DLG2: variants seen among roughly 807,000 people sequenced by gnomAD.
DLG2 encodes the protein discs large MAGUK scaffold protein 2, also known as disks large homolog 2.
Under a neutral mutation model 132.5 loss-of-function variants are expected in DLG2, and 45 were observed. That is an observed-to-expected ratio of 0.34 (90% CI 0.27 to 0.44). DLG2 has a LOEUF of 0.44. Among genes scored for constraint, DLG2 ranks in the 20% least tolerant of loss-of-function variants. The pLI is 1.00. For missense variants in DLG2, 1,045 were observed against 1,196.9 expected, an observed-to-expected ratio of 0.87 and a Z score of 1.87; for synonymous variants, 424 against 419.6, an observed-to-expected ratio of 1.01 and a Z score of -0.13.
intron 3 of DLG2, among the ~76,000 whole-genome samples, chr11:85,456,961 G>T (rs138010255): frequency 3.5e-3 from 540 of 152,216 alleles, no homozygotes; most frequent in Middle Eastern, 0.02. Flanking sequence ...TTGGTTAAGT[G>T]TTGAGTTCAG....
chr11:83,957,732 C>T (rs2087282399), intron 14 of DLG2, among the ~76,000 whole-genome samples: 1 of 152,142 alleles, frequency 6.6e-6, no homozygotes, highest in Admixed American at 6.5e-5. Flanking sequence ...TATCTCATCT[C>T]TTTCTGGCCA....
At chr11:85,374,529 G>T (rs2085248550) in intron 3 of DLG2, among the ~76,000 whole-genome samples, 1 of 152,130 alleles carries the variant, frequency 6.6e-6, no homozygotes, top group African/African-American at 2.4e-5. Context: ...AGTAGAGATG[G>T]GGTTTCACCA....
chr11:84,617,395 T>G (rs1023472317), intron 6 of DLG2, among the ~76,000 whole-genome samples: 1 of 152,126 alleles, frequency 6.6e-6, no homozygotes, highest in Admixed American at 6.5e-5. Context: ...TGATGGGCAT[T>G]TGGGTTGGTT....
intron 5 of DLG2, among the ~76,000 whole-genome samples, chr11:85,129,569 CA>C (rs2075489021): frequency 6.6e-6 from 1 of 152,086 alleles, no homozygotes. Flanking sequence ...AGTCAGGAAA[CA>C]ACAGAATGTG....
chr11:84,442,343 A>G (rs997893067), intron 7 of DLG2, among the ~76,000 whole-genome samples: 1 of 152,120 alleles, frequency 6.6e-6, no homozygotes, highest in Non-Finnish European at 1.5e-5. Flanking sequence ...ACACCATAGA[A>G]TACTATACAT....
chr11:84,916,348 CAAAAAAAAAAA>C (rs11423369), intron 6 of DLG2, among the ~76,000 whole-genome samples: 320 of 27,944 alleles, frequency 0.011, no homozygotes, highest in South Asian at 0.019. Context: ...GACTCCGTCT[CAAAAAAAAAAA>C]AAAAAAAAAA....
Position 83,545,455 on chromosome 11 carries a change from T to C in DLG2, c.1941-3597A>G, listed in dbSNP as rs187547522. On this transcript the variant is annotated intron_variant, in intron 19 of 27. Coordinates refer to ENST00000376104, the MANE Select transcript of DLG2 (RefSeq NM_001142699.3). ...CACTTAAAAGCTGTTTTCTGGACTA[T>C]GTGAAAGACATCTAAAATATCTCTG... Among the ~76,000 whole-genome samples the C allele has an allele frequency of 1.4e-4, 21 of 152,258 alleles. No individual in the cohort carries two copies. In the East Asian group the frequency reaches 3.9e-3, roughly 28 times the overall value.
intron 10 of DLG2, among the ~76,000 whole-genome samples, chr11:84,072,240 C>T: frequency 6.6e-6 from 1 of 152,208 alleles, no homozygotes; most frequent in East Asian, 1.9e-4. Flanking sequence ...GATTGCTATT[C>T]ACTTCCCCAG....
In DLG2 at chr11:83,547,177, G is replaced by A. The variant is rs144736689; in HGVS notation, c.1941-5319C>T. ...ACCACTTTAAAGCTAGGATAGCAGC[G>A]AATGATGAGGATGGAAAGACAGTAT... On this transcript the variant is annotated intron_variant, in intron 19 of 27. Coordinates refer to ENST00000376104, the MANE Select transcript of DLG2 (RefSeq NM_001142699.3). 6.5e-4 allele frequency among the ~76,000 whole-genome samples: 99 copies of A among 152,196 alleles called. No homozygotes were observed. In the Middle Eastern group the frequency reaches 0.01, roughly 16 times the overall value.
intron 7 of DLG2, among the ~76,000 whole-genome samples, chr11:84,265,149 T>C (rs1363048617): frequency 6.6e-6 from 1 of 152,202 alleles, no homozygotes; most frequent in East Asian, 1.9e-4. Context: ...AAAGTTATTA[T>C]TTCATCAATA....
At chr11:83,933,202 G>A (rs1389096685) in intron 14 of DLG2, among the ~76,000 whole-genome samples, 1 of 152,210 alleles carries the variant, frequency 6.6e-6, no homozygotes, top group Non-Finnish European at 1.5e-5. Context: ...GAAGTGCCAA[G>A]GGGAAATGAC....
intron 3 of DLG2, among the ~76,000 whole-genome samples, chr11:85,359,040 T>C (rs190824848): frequency 2.0e-5 from 3 of 152,322 alleles, no homozygotes. Flanking sequence ...AGGAATGCAA[T>C]TTCAGCAAAT....
intron 18 of DLG2, among the ~76,000 whole-genome samples, chr11:83,764,957 G>A (rs2094079704): frequency 6.6e-6 from 1 of 152,062 alleles, no homozygotes; most frequent in African/African-American, 2.4e-5. Flanking sequence ...AGGCAGAGAT[G>A]GCCGGCACAC....
At chr11:85,060,002 C>T (rs914471603) in intron 6 of DLG2, among the ~76,000 whole-genome samples, 1 of 151,420 alleles carries the variant, frequency 6.6e-6, no homozygotes, top group Non-Finnish European at 1.5e-5. Flanking sequence ...TACAGTACTA[C>T]ATTATTAACT....
intron 6 of DLG2, among the ~76,000 whole-genome samples, chr11:84,686,630 G>GTTTTGTTTTTTTT (rs2099738391): frequency 8.8e-6 from 1 of 113,806 alleles, no homozygotes; most frequent in African/African-American, 3.4e-5. Flanking sequence ...TGGCCTTGAG[G>GTTTTGTTTTTTTT]TTTTTTTTTT....
At position 84,600,269 on chromosome 11, in the gene DLG2, G is replaced by A. The variant is rs986672369; in HGVS notation, c.358-65538C>T. On this transcript the variant is annotated intron_variant, in intron 6 of 27. Transcript: ENST00000376104. ...CAAGCAAGCAAGCAGGCAGGCAGGC[G>A]GCAGGCCGGACACAGGGAGGAGTAT... Among the ~76,000 whole-genome samples, 120 of 148,890 alleles carry A rather than the reference G, an allele frequency of 8.1e-4. 1 individual carries two copies. The highest frequency in any genetic ancestry group is 2.9e-3 in the African/African-American group (118 of 40,126).
intron 6 of DLG2, among the ~76,000 whole-genome samples, chr11:84,564,403 T>C (rs1228927693): frequency 6.6e-6 from 1 of 152,192 alleles, no homozygotes; most frequent in Non-Finnish European, 1.5e-5. Flanking sequence ...CACATATCCC[T>C]GAAGCAAGGC....
chr11:84,731,644 G>A (rs891427252), intron 6 of DLG2, among the ~76,000 whole-genome samples: 2 of 151,904 alleles, frequency 1.3e-5, no homozygotes, highest in Non-Finnish European at 2.9e-5. Flanking sequence ...AAAATAAGGG[G>A]AAATATCAAG....
At chr11:84,316,850 G>A (rs1230790219) in intron 7 of DLG2, 1 of 1,612,484 alleles carries the variant, frequency 6.2e-7, no homozygotes. Flanking sequence ...CCAACCATGT[G>A]GGCAGGTACA....
Sources: gnomAD v4.1 joint callset for allele counts (sites outside exome capture counted in the v4.1 genomes callset) on GRCh38, gnomAD v4.1.1 for gene constraint, MANE v1.5 for transcripts, NCBI Gene and HGNC (gene_info 2026-07-23, HGNC 2026-07-21) for gene names.